The following CIROZ variants were observed in gnomAD, a reference collection of about 807,000 sequenced individuals.
CIROZ encodes ciliated left-right organizer protein containing ZP-N domains.
the CIROZ span, among the ~76,000 whole-genome samples, chr1:10,970,411 T>C: frequency 6.6e-6 from 1 of 152,194 alleles, no homozygotes; most frequent in East Asian, 1.9e-4. Context: ...GTGGATCACT[T>C]GAGGCCAGGA....
chr1:10,967,742 C>A, the CIROZ span, among the ~76,000 whole-genome samples: 2 of 152,086 alleles, frequency 1.3e-5, no homozygotes, highest in African/African-American at 4.8e-5. Flanking sequence ...GAGGCCGAGG[C>A]GAGTGGATCA....
the CIROZ span, among the ~76,000 whole-genome samples, chr1:10,963,480 C>A: frequency 9.9e-5 from 15 of 152,142 alleles, no homozygotes; most frequent in Admixed American, 2.0e-4. Context: ...CAGTCCAGCA[C>A]GCTCATTTCT....
the CIROZ span, among the ~76,000 whole-genome samples, chr1:10,951,745 A>AAAAAATATATATATATATAT: frequency 7.6e-5 from 9 of 119,198 alleles, no homozygotes; most frequent in African/African-American, 2.9e-4. Flanking sequence ...AAAAAAAAAA[A>AAAAAATATATATATATATAT]ATATATATAT....
the CIROZ span, chr1:10,957,133 G>A: frequency 6.5e-7 from 1 of 1,536,436 alleles, no homozygotes; most frequent in Non-Finnish European, 8.8e-7. Context: ...GGTCCCCCCT[G>A]AGGTCTCCAA....
the CIROZ span, chr1:10,947,778 C>G: frequency 6.3e-7 from 1 of 1,598,278 alleles, no homozygotes; most frequent in African/African-American, 1.3e-5. Flanking sequence ...GAGTGAGGCC[C>G]CCCGGCCAGC....
chr1:10,952,239 T>G, the CIROZ span, among the ~76,000 whole-genome samples: 4 of 151,688 alleles, frequency 2.6e-5, no homozygotes, highest in Non-Finnish European at 5.9e-5. Flanking sequence ...GCAGGGGAGG[T>G]GTGCTGGGAA....
chr1:10,957,151 C>A, the CIROZ span: 2 of 1,475,292 alleles, frequency 1.4e-6, no homozygotes, highest in South Asian at 1.3e-5. Flanking sequence ...CAAAACTGCT[C>A]CTTCCAGATG....
At chr1:10,974,138 T>C in the CIROZ span, among the ~76,000 whole-genome samples, 47,350 of 151,918 alleles carry the variant, frequency 0.31, 8,739 homozygotes, top group African/African-American at 0.52. The surrounding 1 kb of genome is among the most constrained non-coding windows in gnomAD (Gnocchi z 4.4). Context: ...GCCCCACCTG[T>C]GGGCCAGGGA....
chr1:10,965,861 G>T, the CIROZ span, among the ~76,000 whole-genome samples: 1 of 151,666 alleles, frequency 6.6e-6, no homozygotes, highest in Admixed American at 6.6e-5. Context: ...AAAATATCTT[G>T]CTTCTGTAAA....
chr1:10,959,321 G>A, the CIROZ span, among the ~76,000 whole-genome samples: 13 of 152,160 alleles, frequency 8.5e-5, no homozygotes, highest in Non-Finnish European at 1.3e-4. The surrounding 1 kb of genome is among the most constrained non-coding windows in gnomAD (Gnocchi z 4.3). Flanking sequence ...CAGGCAAACC[G>A]AGACAGTGGT....
chr1:10,963,575 C>T, the CIROZ span, among the ~76,000 whole-genome samples: 3 of 151,992 alleles, frequency 2.0e-5, no homozygotes, highest in Non-Finnish European at 2.9e-5. Context: ...AGAGGTGCCC[C>T]GCTGATGAGA....
the CIROZ span, chr1:10,949,786 A>C: frequency 6.4e-7 from 1 of 1,573,128 alleles, no homozygotes; most frequent in Middle Eastern, 1.7e-4. Flanking sequence ...TCAGTGCAGC[A>C]GTTGAGGCAG....
At chr1:10,972,231 T>TAG in the CIROZ span, among the ~76,000 whole-genome samples, 1 of 152,202 alleles carries the variant, frequency 6.6e-6, no homozygotes, top group Admixed American at 6.5e-5. Flanking sequence ...CCAGAGTTGA[T>TAG]AGAGAGCTTA....
the CIROZ span, among the ~76,000 whole-genome samples, chr1:10,956,417 C>T: frequency 6.6e-6 from 1 of 152,010 alleles, no homozygotes; most frequent in Admixed American, 6.6e-5. Flanking sequence ...CTGGAGCCAG[C>T]TTAGGAGCTC....
At chr1:10,973,964 C>CCCCA in the CIROZ span, among the ~76,000 whole-genome samples, 1 of 151,826 alleles carries the variant, frequency 6.6e-6, no homozygotes, top group African/African-American at 2.4e-5. Flanking sequence ...GGACCCCCCC[C>CCCCA]ACCAAGTCTC....
At chr1:10,964,115 C>A in the CIROZ span, 2 of 1,613,238 alleles carry the variant, frequency 1.2e-6, no homozygotes, top group South Asian at 2.2e-5. Flanking sequence ...CCCAGACCCC[C>A]CGAACCCATT....
chr1:10,954,453 C>CAAAAAAAAA, the CIROZ span, among the ~76,000 whole-genome samples: 8 of 117,270 alleles, frequency 6.8e-5, no homozygotes, highest in African/African-American at 1.0e-4. Flanking sequence ...GACTCTGTCT[C>CAAAAAAAAA]AAAAAAAAAA....
At chr1:10,980,380 A>T in the CIROZ span, among the ~76,000 whole-genome samples, 7 of 152,226 alleles carry the variant, frequency 4.6e-5, no homozygotes, top group Non-Finnish European at 7.3e-5. Context: ...AGCCTCTCCC[A>T]TGGACGGCCG....
chr1:10,970,190 T>A, the CIROZ span: 1 of 1,032,698 alleles, frequency 9.7e-7, no homozygotes, highest in Non-Finnish European at 1.4e-6. Context: ...AAGAAGGAGC[T>A]CCTCTCAGCC....
Sources: gnomAD v4.1 joint callset for allele counts (sites outside exome capture counted in the v4.1 genomes callset) on GRCh38, gnomAD v4.1.1 for gene constraint, Gnocchi (gnomAD v3.1) non-coding constraint, MANE v1.5 for transcripts, NCBI Gene and HGNC (gene_info 2026-07-23, HGNC 2026-07-21) for gene names.